SLIT2: variants seen among roughly 807,000 people sequenced by gnomAD.
The protein encoded by SLIT2 is slit homolog 2 protein.
A neutral mutation model predicts 185.7 loss-of-function variants in SLIT2; 41 were observed. The ratio of observed to expected loss-of-function variants is 0.22; its 90% CI spans 0.17 to 0.29. The LOEUF is 0.29. SLIT2 is among the 10% of genes least tolerant of loss of function. The pLI, the probability that SLIT2 is intolerant of heterozygous loss-of-function variation, is 1.00. For missense variants in SLIT2, 1,571 were observed against 1,909.0 expected, an observed-to-expected ratio of 0.82 and a Z score of 3.30; for synonymous variants, 693 against 680.2, an observed-to-expected ratio of 1.02 and a Z score of -0.29.
chr4:20,326,169 T>C (rs1277747410), intron 4 of SLIT2, among the ~76,000 whole-genome samples: 1 of 152,108 alleles, frequency 6.6e-6, no homozygotes, highest in African/African-American at 2.4e-5. Flanking sequence ...CTAAGGATAA[T>C]TCTATTTTAA....
Position 20,619,903 on chromosome 4 carries a change from A to T in SLIT2, c.*894A>T, listed in dbSNP as rs1049608269. The stretch of plus-strand genomic sequence containing the variant: ...TTTTGTACATTTTTCAAACTTAAAA[A>T]TCAGGATTTTTTTTTTTTTTTTTTT... On this transcript the variant is annotated 3_prime_UTR_variant, in exon 37 of 37. Transcript: ENST00000504154. 1 of 144,698 alleles carries T rather than the reference A, an allele frequency of 6.9e-6. No homozygotes were observed. The highest frequency in any genetic ancestry group is 2.6e-5 in the African/African-American group (1 of 38,340). The allele number at this position is 144,698 out of a possible 1,614,324, so 9.0% of individuals were successfully genotyped here. A position where few individuals can be genotyped will look rare whatever the true frequency, so the allele number is the denominator to read the frequency against.
chr4:20,473,100 G>T (rs949357584), intron 5 of SLIT2, among the ~76,000 whole-genome samples: 1 of 151,778 alleles, frequency 6.6e-6, no homozygotes, highest in East Asian at 1.9e-4. Flanking sequence ...ACTATGTGAG[G>T]TAAACCACAC....
At chr4:20,315,031 A>T (rs1285536858) in intron 4 of SLIT2, among the ~76,000 whole-genome samples, 1 of 131,602 alleles carries the variant, frequency 7.6e-6, no homozygotes, top group African/African-American at 2.6e-5. Flanking sequence ...TATTATAATT[A>T]AAAATTATAA....
At chr4:20,256,631 A>G (rs1711875152) in intron 1 of SLIT2, 41 bp from the exon 2 acceptor site, 1 of 1,026,456 alleles carries the variant, frequency 9.7e-7, no homozygotes. Flanking sequence ...AGGTAAACAT[A>G]GAAATAAAAT....
intron 26 of SLIT2, among the ~76,000 whole-genome samples, chr4:20,554,703 A>G (rs1724089928): frequency 6.6e-6 from 1 of 151,976 alleles, no homozygotes; most frequent in South Asian, 2.1e-4. Context: ...TCCTTATAAA[A>G]AGTGGGATAA....
intron 4 of SLIT2, among the ~76,000 whole-genome samples, chr4:20,320,815 CTG>C (rs1267608839): frequency 4.6e-5 from 7 of 152,174 alleles, no homozygotes; most frequent in Admixed American, 2.6e-4. Context: ...ATCTCCAACT[CTG>C]TGCTAGAAAG....
chr4:20,420,917 C>A (rs1191692576), intron 4 of SLIT2, among the ~76,000 whole-genome samples: 2 of 152,112 alleles, frequency 1.3e-5, no homozygotes, highest in Admixed American at 6.6e-5. Flanking sequence ...TTGCCAGAAA[C>A]AGATCATGCT....
intron 4 of SLIT2, among the ~76,000 whole-genome samples, chr4:20,366,129 C>G (rs1307946342): frequency 6.6e-6 from 1 of 152,142 alleles, no homozygotes; most frequent in African/African-American, 2.4e-5. Flanking sequence ...TGCCTCTTGT[C>G]ATTCTTAATC....
chr4:20,594,016 A>ATG lies in SLIT2; in HGVS notation c.3183-1675_3183-1674dup, dbSNP rs1446148933. Reference sequence around the variant, plus strand: ...TACATATACACACACATACATATGTATGTGTGTATATATGTGTATATATGT... The same window carrying ATG: ...TACATATACACACACATACATATGTATGTGTGTGTATATATGTGTATATATGT... On this transcript the variant is annotated intron_variant, in intron 30 of 36. Transcript: ENST00000504154. Among the ~76,000 whole-genome samples the ATG allele has an allele frequency of 4.0e-3, 601 of 150,422 alleles. 7 individuals are homozygous for ATG. Among genetic ancestry groups the ATG allele is most frequent in the African/African-American group, 0.014 (565 of 40,944 alleles).
chr4:20,417,434 G>GTATATATATATATA (rs1277638378), intron 4 of SLIT2, among the ~76,000 whole-genome samples: 1 of 91,922 alleles, frequency 1.1e-5, no homozygotes, highest in South Asian at 2.9e-4. Context: ...ATATGTGTGT[G>GTATATATATATATA]TGTATATATA....
intron 4 of SLIT2, among the ~76,000 whole-genome samples, chr4:20,464,310 T>A (rs1404689920): frequency 6.6e-6 from 1 of 152,162 alleles, no homozygotes; most frequent in Non-Finnish European, 1.5e-5. Context: ...AGAACCCGTG[T>A]CCTCCTCCCG....
chr4:20,573,657 T>C (rs1424323328), intron 29 of SLIT2, among the ~76,000 whole-genome samples: 2 of 152,162 alleles, frequency 1.3e-5, no homozygotes, highest in African/African-American at 2.4e-5. Flanking sequence ...AGGCTGTAGA[T>C]AGAAAAATTT....
chr4:20,541,997 T>A (rs888854951), intron 20 of SLIT2, among the ~76,000 whole-genome samples: 3 of 152,212 alleles, frequency 2.0e-5, no homozygotes, highest in Non-Finnish European at 2.9e-5. Context: ...AGTTGTCACT[T>A]TTTAATGCTC....
At chr4:20,502,783 A>AT (rs1396907018) in intron 9 of SLIT2, among the ~76,000 whole-genome samples, 1 of 152,216 alleles carries the variant, frequency 6.6e-6, no homozygotes, top group East Asian at 1.9e-4. Context: ...TATGAGGGAA[A>AT]TTTTCTAGCA....
chr4:20,365,739 G>A (rs528325315), intron 4 of SLIT2, among the ~76,000 whole-genome samples: 65 of 152,068 alleles, frequency 4.3e-4, no homozygotes, highest in Non-Finnish European at 8.1e-4. Flanking sequence ...TCACTCGCAC[G>A]CATCCCTCCA....
chr4:20,406,796 A>G (rs1168366561), intron 4 of SLIT2, among the ~76,000 whole-genome samples: 2 of 144,374 alleles, frequency 1.4e-5, no homozygotes, highest in East Asian at 2.5e-4. Flanking sequence ...TGGTCTAGCA[A>G]TGCCACTTCT....
In SLIT2 at chr4:20,289,026, C is replaced by T. The variant is rs1168792852; in HGVS notation, c.395+20145C>T. ...TTGATTTAAACTAGTTGAGATACGT[C>T]TCTAGACTTTTGCATGGTTGTGTAA... is the stretch of plus-strand genomic sequence containing the variant. On this transcript the variant is annotated intron_variant, in intron 4 of 36. Coordinates refer to ENST00000504154, the MANE Select transcript of SLIT2 (RefSeq NM_004787.4). Among the ~76,000 whole-genome samples, 7 of 151,514 alleles carry T rather than the reference C, an allele frequency of 4.6e-5. No homozygotes were observed. In the East Asian group the frequency reaches 1.4e-3, roughly 29 times the overall value.
intron 4 of SLIT2, among the ~76,000 whole-genome samples, chr4:20,384,592 C>T (rs1220818244): frequency 6.6e-6 from 1 of 152,090 alleles, no homozygotes; most frequent in Non-Finnish European, 1.5e-5. Flanking sequence ...AAGAATATTT[C>T]TCACTAATTG....
At position 20,254,224 on chromosome 4, in the gene SLIT2, C is replaced by G. The variant is rs1031147743; in HGVS notation, c.179+230C>G. ...GCGCTAGTTCTCCCTCCCCTGCTCT[C>G]GTCCCGCCACTCGCAGCTCCTTGCT... is the stretch of plus-strand genomic sequence containing the variant. On this transcript the variant is annotated intron_variant, in intron 1 of 36. Coordinates refer to ENST00000504154, the MANE Select transcript of SLIT2 (RefSeq NM_004787.4). This position sits in a 1 kb window ranked among gnomAD's most constrained non-coding sequence, Gnocchi z 5.1. Among the ~76,000 whole-genome samples the G allele has an allele frequency of 2.0e-5, 3 of 152,116 alleles. No homozygotes were observed. Among genetic ancestry groups the G allele is most frequent in the Non-Finnish European group, 2.9e-5 (2 of 67,996 alleles).
Sources: allele counts gnomAD v4.1 joint callset (sites outside exome capture counted in the v4.1 genomes callset), GRCh38; gene constraint gnomAD v4.1.1; non-coding constraint Gnocchi (gnomAD v3.1); transcripts MANE v1.5; gene names NCBI Gene and HGNC (gene_info 2026-07-23, HGNC 2026-07-21).